ATG14: variants seen among roughly 807,000 people sequenced by gnomAD.
ATG14 encodes autophagy related 14.
A neutral mutation model predicts 60.4 loss-of-function variants in ATG14; 35 were observed. The observed-to-expected ratio is 0.58, with a 90% CI of 0.44 to 0.77. The LOEUF is 0.77. Among genes scored for constraint, ATG14 ranks in the 30% least tolerant of loss-of-function variants. The pLI is 0.00. For missense variants in ATG14, 647 were observed against 626.3 expected (o/e 1.03, Z -0.35); for synonymous variants, 234 against 228.8 (o/e 1.02, Z -0.21).
intron 9 of ATG14, among the ~76,000 whole-genome samples, chr14:55,374,194 T>C (rs903778704): frequency 2.6e-5 from 4 of 151,428 alleles, no homozygotes; most frequent in African/African-American, 9.7e-5. Flanking sequence ...GAATTGCATT[T>C]TAAGTTTTTT....
chr14:55,398,050 C>G (rs1374034991), intron 1 of ATG14, among the ~76,000 whole-genome samples: 1 of 151,112 alleles, frequency 6.6e-6, no homozygotes, highest in Non-Finnish European at 1.5e-5. Context: ...TGGGCTCACG[C>G]CATTCTCCCG....
chr14:55,389,665 AC>A (rs1885181365), intron 4 of ATG14, among the ~76,000 whole-genome samples: 1 of 152,272 alleles, frequency 6.6e-6, no homozygotes, highest in Non-Finnish European at 1.5e-5. Context: ...ATTTAATGTT[AC>A]ATAAACATGC....
intron 6 of ATG14, 26 bp from the exon 7 acceptor site, chr14:55,380,716 T>A: frequency 6.8e-7 from 1 of 1,477,242 alleles, no homozygotes; most frequent in Non-Finnish European, 9.3e-7. Context: ...AACCACCATG[T>A]ACAAAACCTT....
intron 1 of ATG14, among the ~76,000 whole-genome samples, chr14:55,407,887 G>A (rs1885514790): frequency 6.6e-6 from 1 of 152,088 alleles, no homozygotes; most frequent in Non-Finnish European, 1.5e-5. Flanking sequence ...GAAAGACAAG[G>A]TATCAATCAG....
chr14:55,377,921 A>G lies in ATG14; in HGVS notation c.1087-17T>C. The stretch of plus-strand genomic sequence containing the variant: ...ATTTACATGCTAAAAAAAATTAAAG[A>G]ATTGGTTAATATTTTCAACTATTTA... On this transcript the variant is annotated splice_polypyrimidine_tract_variant and intron_variant, in intron 8 of 9. Coordinates refer to ENST00000247178, the MANE Select transcript of ATG14 (RefSeq NM_014924.5). 2 of 1,596,040 alleles carry G rather than the reference A, an allele frequency of 1.3e-6. No homozygotes were observed. The highest frequency in any genetic ancestry group is 1.7e-6 in the Non-Finnish European group (2 of 1,172,620).
In ATG14 at chr14:55,385,907, T is replaced by C. The variant is rs1372137104; in HGVS notation, c.599A>G (p.Glu200Gly). 6.2e-7 allele frequency: 1 copy of C among 1,614,020 alleles called. No homozygotes were observed. Among genetic ancestry groups the C allele is most frequent in the Non-Finnish European group, 8.5e-7 (1 of 1,179,956 alleles). ...GATTGGAAAAATGACAGAGGTGAGC[T>C]CTAATATATGGGATCGTCGAAGATT... is the stretch of plus-strand genomic sequence containing the variant. Reference protein sequence around the residue: ...LANLRRSHILELTSVIFPIEE... With the variant: ...LANLRRSHILGLTSVIFPIEE... The change falls in exon 5 of 10, where the codon GAG becomes GGG. Residue 200 changes from glutamate to glycine, a missense_variant. Transcript: ENST00000247178.
chr14:55,394,152 G>A (rs1475378044), intron 3 of ATG14, among the ~76,000 whole-genome samples: 2 of 151,912 alleles, frequency 1.3e-5, no homozygotes, highest in Non-Finnish European at 2.9e-5. Context: ...GATTACAGGC[G>A]TGTGCCACCA....
chr14:55,381,273 G>A (rs1431172060), intron 6 of ATG14, among the ~76,000 whole-genome samples: 3 of 152,136 alleles, frequency 2.0e-5, no homozygotes, highest in Admixed American at 1.3e-4. Context: ...ACTGAGTGAC[G>A]AAATGAACAA....
intron 4 of ATG14, among the ~76,000 whole-genome samples, chr14:55,386,810 G>A (rs17128434): frequency 0.1 from 15,353 of 152,238 alleles, 2,138 homozygotes; most frequent in African/African-American, 0.31. Context: ...CTGTTGGGCT[G>A]TAGCTAAACT....
At chr14:55,380,467 T>C (rs1885007866) in intron 7 of ATG14, 106 bp downstream of exon 7, 3 of 730,694 alleles carry the variant, frequency 4.1e-6, no homozygotes, top group Non-Finnish European at 7.0e-6. Context: ...TTCTCTGTCT[T>C]GGTAATACTT....
intron 4 of ATG14, among the ~76,000 whole-genome samples, chr14:55,389,367 T>C (rs1594780928): frequency 1.3e-5 from 2 of 152,212 alleles, no homozygotes; most frequent in African/African-American, 4.8e-5. Flanking sequence ...CTTTGGAGAA[T>C]GCATGCAAGA....
chr14:55,404,925 A>AG (rs1052737402), intron 1 of ATG14, among the ~76,000 whole-genome samples: 1 of 152,176 alleles, frequency 6.6e-6, no homozygotes, highest in African/African-American at 2.4e-5. Flanking sequence ...TCATGGGGTG[A>AG]GGGTAGGGAA....
chr14:55,369,967 T>C, intron 9 of ATG14, 42 bp from the exon 10 acceptor site: 1 of 1,524,426 alleles, frequency 6.6e-7, no homozygotes, highest in Non-Finnish European at 8.8e-7. Context: ...TAACAACCAT[T>C]CTCAACACCA....
At chr14:55,373,857 G>A (rs1004069685) in intron 9 of ATG14, among the ~76,000 whole-genome samples, 10 of 151,750 alleles carry the variant, frequency 6.6e-5, no homozygotes, top group Admixed American at 2.6e-4. Flanking sequence ...AGTTGTGCCG[G>A]TCTGAACAGA....
At chr14:55,395,031 G>A in intron 3 of ATG14, 1 of 479,920 alleles carries the variant, frequency 2.1e-6, no homozygotes, top group Non-Finnish European at 4.2e-6. Flanking sequence ...CAGTTTCTTG[G>A]TTAGCCACTT....
chr14:55,410,899 T>C (rs891660281), intron 1 of ATG14, among the ~76,000 whole-genome samples: 3 of 148,516 alleles, frequency 2.0e-5, no homozygotes, highest in African/African-American at 7.4e-5. Flanking sequence ...ATTTTTCAAT[T>C]TTCTTAACCA....
intron 2 of ATG14, 60 bp downstream of exon 2, chr14:55,397,312 A>T (rs938550334): frequency 4.2e-6 from 6 of 1,425,654 alleles, no homozygotes; most frequent in African/African-American, 1.4e-5. Context: ...ACAGCACTGA[A>T]TTCAACCAAA....
intron 4 of ATG14, among the ~76,000 whole-genome samples, chr14:55,386,880 G>T (rs1885134180): frequency 1.3e-5 from 2 of 152,134 alleles, no homozygotes; most frequent in Admixed American, 1.3e-4. Flanking sequence ...AGTTGCTTAG[G>T]CAACTTAAAC....
At chr14:55,381,659 T>C (rs371762468) in intron 6 of ATG14, among the ~76,000 whole-genome samples, 1 of 152,234 alleles carries the variant, frequency 6.6e-6, no homozygotes, top group Non-Finnish European at 1.5e-5. Context: ...AAAAGCTATA[T>C]GTTCTGTGAT....
Sources: allele counts gnomAD v4.1 joint callset (sites outside exome capture counted in the v4.1 genomes callset), GRCh38; gene constraint gnomAD v4.1.1; transcripts MANE v1.5; gene names NCBI Gene and HGNC (gene_info 2026-07-23, HGNC 2026-07-21).